The following AP3S2 variants were observed in gnomAD, a reference collection of about 807,000 sequenced individuals.
AP3S2 encodes the protein AP-3 complex subunit sigma-2.
AP3S2 carries 22 observed loss-of-function variants against 23.4 expected under a neutral mutation model. The observed-to-expected ratio is 0.94, with a 90% CI of 0.67 to 1.34. The LOEUF (loss-of-function observed/expected upper bound fraction) is 1.34, where lower values mean the gene tolerates loss of function less well. Ranked by LOEUF, AP3S2 falls within the 40% of genes most tolerant of loss-of-function variation. The pLI, the probability that AP3S2 is intolerant of heterozygous loss-of-function variation, is 0.00. For missense variants in AP3S2, 241 were observed against 236.9 expected (o/e 1.02, Z -0.11); for synonymous variants, 86 against 87.1 (o/e 0.99, Z 0.07).
At chr15:89,840,332 G>C (rs760116981) in intron 4 of AP3S2, among the ~76,000 whole-genome samples, 10 of 152,124 alleles carry the variant, frequency 6.6e-5, no homozygotes, top group Non-Finnish European at 1.2e-4. Context: ...AGTAGTACTT[G>C]TTGAGTATCT....
chr15:89,837,201 G>A (rs192094733), intron 5 of AP3S2, among the ~76,000 whole-genome samples: 1 of 152,284 alleles, frequency 6.6e-6, no homozygotes, highest in African/African-American at 2.4e-5. Context: ...AAGACACCAC[G>A]AGAAATGGCT....
intron 4 of AP3S2, chr15:89,852,461 G>C (rs1895680992): frequency 1.3e-5 from 2 of 152,204 alleles, no homozygotes. Context: ...GCTCACTACT[G>C]TTTCCAAGCT....
chr15:89,842,676 G>A (rs571842730), intron 4 of AP3S2, among the ~76,000 whole-genome samples: 1 of 152,284 alleles, frequency 6.6e-6, no homozygotes, highest in Non-Finnish European at 1.5e-5. Context: ...GCAGTGGCGC[G>A]ATCTCGGCTC....
rs1361856135 is a variant in AP3S2 at position 89,833,466 on chromosome 15, TG to T, written c.*2048del. The T allele has an allele frequency of 6.6e-6, 1 of 152,210 alleles. No individual in the cohort carries two copies. The highest frequency in any genetic ancestry group is 1.9e-4 in the East Asian group (1 of 5,196). The allele number at this position is 152,210 out of a possible 1,614,324, so 9.4% of individuals were successfully genotyped here. The stretch of plus-strand genomic sequence containing the variant: ...TAATCTAAGGGAAGGTTACTGGAGC[TG>T]GGTCTACTTTCGTCATCTGCAAAAT... On this transcript the variant is annotated 3_prime_UTR_variant, in exon 6 of 6. Coordinates refer to ENST00000336418, the MANE Select transcript of AP3S2 (RefSeq NM_005829.5).
intron 1 of AP3S2, among the ~76,000 whole-genome samples, chr15:89,889,822 C>G (rs1896778566): frequency 7.0e-6 from 1 of 142,436 alleles, no homozygotes; most frequent in Non-Finnish European, 1.5e-5. Flanking sequence ...CGAGATCACG[C>G]CACTGCACTC....
chr15:89,844,229 T>TTC (rs1455303259), intron 4 of AP3S2, among the ~76,000 whole-genome samples: 1 of 54,632 alleles, frequency 1.8e-5, no homozygotes, highest in East Asian at 5.5e-4. Flanking sequence ...CTTTCTTTCT[T>TTC]TCTTTCTTTC....
intron 4 of AP3S2, among the ~76,000 whole-genome samples, chr15:89,857,387 G>C (rs770523430): frequency 6.8e-6 from 1 of 146,610 alleles, no homozygotes; most frequent in Non-Finnish European, 1.5e-5. Context: ...TTGTTGTTTG[G>C]TAATCAGAGA....
intron 4 of AP3S2, among the ~76,000 whole-genome samples, chr15:89,870,032 C>T (rs554396281): frequency 7.2e-5 from 11 of 152,254 alleles, no homozygotes; most frequent in African/African-American, 1.4e-4. Context: ...TGAGCCACGA[C>T]GCCCGGCCTG....
chr15:89,855,716 G>A (rs2141858504), intron 4 of AP3S2, among the ~76,000 whole-genome samples: 1 of 142,296 alleles, frequency 7.0e-6, no homozygotes, highest in South Asian at 2.3e-4. Flanking sequence ...TGGGCGTGGT[G>A]GTGCATGCCT....
intron 4 of AP3S2, among the ~76,000 whole-genome samples, chr15:89,858,496 AG>A (rs1181428698): frequency 3.5e-3 from 172 of 49,708 alleles, no homozygotes; most frequent in African/African-American, 9.1e-3. Context: ...AGAAAGAAAG[AG>A]AGAGAGAGAG....
intron 4 of AP3S2, among the ~76,000 whole-genome samples, chr15:89,840,920 C>T (rs1257828909): frequency 1.3e-5 from 2 of 152,214 alleles, no homozygotes; most frequent in African/African-American, 4.8e-5. Context: ...CCCTAGTCCA[C>T]ATGAAATCAT....
intron 1 of AP3S2, among the ~76,000 whole-genome samples, chr15:89,889,801 T>A (rs2141904128): frequency 1.4e-5 from 2 of 138,782 alleles, no homozygotes; most frequent in African/African-American, 2.7e-5. Flanking sequence ...GAAGCGGAGG[T>A]TACAGTGAGC....
At chr15:89,843,438 G>C (rs1226718067) in intron 4 of AP3S2, among the ~76,000 whole-genome samples, 1 of 151,042 alleles carries the variant, frequency 6.6e-6, no homozygotes, top group Non-Finnish European at 1.5e-5. Context: ...AGGAGTTCAA[G>C]ACCAGCCTGG....
chr15:89,858,758 C>T (rs1194271956), intron 4 of AP3S2, among the ~76,000 whole-genome samples: 1 of 152,196 alleles, frequency 6.6e-6, no homozygotes, highest in African/African-American at 2.4e-5. Flanking sequence ...TTACTGACTA[C>T]AACCTTGACA....
At chr15:89,871,670 A>T (rs1896321970) in intron 3 of AP3S2, 124 bp from the exon 4 acceptor site, 1 of 953,380 alleles carries the variant, frequency 1.0e-6, no homozygotes, top group African/African-American at 1.7e-5. Flanking sequence ...AATCTCAAAA[A>T]TTAAAACACC....
intron 4 of AP3S2, among the ~76,000 whole-genome samples, chr15:89,851,025 T>A (rs1210998716): frequency 7.0e-6 from 1 of 142,130 alleles, no homozygotes; most frequent in Non-Finnish European, 1.6e-5. Flanking sequence ...AAGAACATAA[T>A]CTCTAACAAT....
intron 3 of AP3S2, among the ~76,000 whole-genome samples, chr15:89,872,215 C>CA (rs1489804584): frequency 6.6e-6 from 1 of 151,654 alleles, no homozygotes; most frequent in Admixed American, 6.6e-5. Flanking sequence ...AATACATGTA[C>CA]AAAAAATTTT....
At chr15:89,885,391 C>G (rs760424558) in intron 3 of AP3S2, among the ~76,000 whole-genome samples, 2 of 152,014 alleles carry the variant, frequency 1.3e-5, no homozygotes, top group Non-Finnish European at 1.5e-5. Context: ...TTAGTAGAGA[C>G]GAAGTTTCAC....
intron 1 of AP3S2, among the ~76,000 whole-genome samples, chr15:89,891,525 C>T (rs1444309644): frequency 6.6e-6 from 1 of 151,802 alleles, no homozygotes; most frequent in Non-Finnish European, 1.5e-5. Context: ...CAGGCATGGT[C>T]GTGGGCACCT....
Sources: allele counts gnomAD v4.1 joint callset (sites outside exome capture counted in the v4.1 genomes callset), GRCh38; gene constraint gnomAD v4.1.1; transcripts MANE v1.5; gene names NCBI Gene and HGNC (gene_info 2026-07-23, HGNC 2026-07-21).